TAF2: variants seen among roughly 807,000 people sequenced by gnomAD.
TAF2 encodes the protein TATA-box binding protein associated factor 2.
TAF2 carries 61 observed loss-of-function variants against 138.5 expected under a neutral mutation model. That is an observed-to-expected ratio of 0.44 (90% confidence interval 0.36 to 0.54). The LOEUF (loss-of-function observed/expected upper bound fraction) is 0.54. TAF2 is among the 20% of genes least tolerant of loss of function. The pLI is 0.00. For synonymous variants in TAF2, 475 were observed against 469.9 expected (o/e 1.01, Z -0.14); for missense variants, 1,090 against 1,427.9 (o/e 0.76, Z 3.81).
Position 119,732,018 on chromosome 8 carries a change from T to A in TAF2, c.3506A>T (p.His1169Leu), listed in dbSNP as rs1325873664. 6.2e-7 allele frequency: 1 copy of A among 1,614,102 alleles called. No individual in the cohort carries two copies. Among genetic ancestry groups the A allele is most frequent in the African/African-American group, 1.3e-5 (1 of 74,936 alleles). Residue 1169 changes from histidine (H) to leucine (L), a missense_variant, in exon 26 of 26, where the codon CAT becomes CTT. Physicochemically the swap from His to Leu is moderately conservative, Grantham distance 99. Around this residue, in one of 3 missense-constraint regions of TAF2, gnomAD observed 580 missense variants for 719.6 expected, o/e 0.81. Coordinates refer to ENST00000378164, the MANE Select transcript of TAF2 (RefSeq NM_003184.4). ...GTCCTTTTCTTTACTGTCATGCTTA[T>A]GCTTGTGTTTGTGCTTATGTTTATG... ...KKHKHKHKHK[H>L]KHDSKEKDKE...
intron 18 of TAF2, among the ~76,000 whole-genome samples, chr8:119,766,697 G>T (rs1821445282): frequency 6.6e-6 from 1 of 152,082 alleles, no homozygotes; most frequent in African/African-American, 2.4e-5. Flanking sequence ...AGCTGAGCAT[G>T]GTGGTGGATG....
At chr8:119,760,115 CT>C (rs2131054121) in intron 20 of TAF2, among the ~76,000 whole-genome samples, 1 of 152,150 alleles carries the variant, frequency 6.6e-6, no homozygotes, top group Admixed American at 6.5e-5. Flanking sequence ...ATTTCCATCT[CT>C]GTATCTTTCT....
Position 119,767,550 on chromosome 8 carries a change from G to A in TAF2, c.2365-4942C>T, listed in dbSNP as rs1005859850. On this transcript the variant is annotated intron_variant, in intron 18 of 25. Coordinates refer to ENST00000378164, the MANE Select transcript of TAF2 (RefSeq NM_003184.4). ...TCCAGTCTAATACAGTGAGCTGCCC[G>A]AAGACTGTAGAGACGCTGCTGGAGT... Among the ~76,000 whole-genome samples the A allele has an allele frequency of 2.5e-4, 38 of 152,326 alleles. 1 individual carries two copies. The highest frequency in any genetic ancestry group is 1.7e-3 in the Admixed American group (26 of 15,302).
intron 4 of TAF2, among the ~76,000 whole-genome samples, chr8:119,805,393 A>G (rs528205036): frequency 6.6e-6 from 1 of 152,230 alleles, no homozygotes; most frequent in Non-Finnish European, 1.5e-5. Context: ...TGCAGGTTCT[A>G]CCTATATGAT....
At chr8:119,821,393 T>G (rs1173414425) in intron 2 of TAF2, among the ~76,000 whole-genome samples, 1 of 152,200 alleles carries the variant, frequency 6.6e-6, no homozygotes, top group Non-Finnish European at 1.5e-5. Context: ...TTTCAACCTT[T>G]TCTAAAACTC....
chr8:119,779,431 T>C (rs1822490263), intron 17 of TAF2, among the ~76,000 whole-genome samples: 1 of 152,166 alleles, frequency 6.6e-6, no homozygotes, highest in African/African-American at 2.4e-5. Flanking sequence ...ATAACTCCAA[T>C]TTGAAACACT....
chr8:119,743,784 C>G (rs1407794710), intron 24 of TAF2, among the ~76,000 whole-genome samples: 1 of 151,998 alleles, frequency 6.6e-6, no homozygotes, highest in Non-Finnish European at 1.5e-5. Context: ...CAACCTAATG[C>G]CTATCAATAA....
Position 119,801,819 on chromosome 8 carries a change from A to G in TAF2, c.767T>C (p.Ile256Thr). The G allele has an allele frequency of 6.2e-7, 1 of 1,614,148 alleles. No homozygotes were observed. Among genetic ancestry groups the G allele is most frequent in the Non-Finnish European group, 8.5e-7 (1 of 1,180,008 alleles). The change falls in exon 6 of 26, where the codon ATA becomes ACA. Residue 256 changes from isoleucine (I) to threonine (T), a missense_variant. Transcript: ENST00000378164. ...NISLAIGPFE[I>T]LVDPYMHEVT... ...CTCATGCATGTATGGATCTACCAGT[A>G]TTTCAAATGGTCCAATGGCCAAGGA...
intron 2 of TAF2, among the ~76,000 whole-genome samples, chr8:119,821,627 T>C (rs192328267): frequency 6.6e-6 from 1 of 151,556 alleles, no homozygotes; most frequent in Non-Finnish European, 1.5e-5. Context: ...GTAGACTCCC[T>C]GTATTCAAAT....
chr8:119,821,555 T>G (rs763537539), intron 2 of TAF2, among the ~76,000 whole-genome samples: 3 of 152,204 alleles, frequency 2.0e-5, no homozygotes, highest in Non-Finnish European at 4.4e-5. Flanking sequence ...AGGATTTTAT[T>G]TACTGTACAC....
At chr8:119,775,124 T>C (rs1822130548) in intron 18 of TAF2, among the ~76,000 whole-genome samples, 2 of 150,606 alleles carry the variant, frequency 1.3e-5, no homozygotes, top group Admixed American at 6.6e-5. Flanking sequence ...ACTAAAAAAA[T>C]ACAAAAATTA....
intron 3 of TAF2, among the ~76,000 whole-genome samples, chr8:119,812,105 G>A (rs911376066): frequency 6.6e-6 from 1 of 152,094 alleles, no homozygotes; most frequent in African/African-American, 2.4e-5. Context: ...AAAAAAGAGG[G>A]ACAGGAAGTG....
At chr8:119,778,891 GCA>G (rs1242998363) in intron 17 of TAF2, among the ~76,000 whole-genome samples, 1 of 152,136 alleles carries the variant, frequency 6.6e-6, no homozygotes, top group Non-Finnish European at 1.5e-5. Flanking sequence ...TCAGTCTTTA[GCA>G]CATGGCGAGA....
At chr8:119,788,501 G>T in intron 13 of TAF2, 54 bp from the exon 14 acceptor site, 1 of 1,287,060 alleles carries the variant, frequency 7.8e-7, no homozygotes, top group Non-Finnish European at 1.1e-6. Context: ...ATACCAATAT[G>T]TATGCTTATG....
chr8:119,762,783 T>C, intron 18 of TAF2, 175 bp from the exon 19 acceptor site: 1 of 568,004 alleles, frequency 1.8e-6, no homozygotes, highest in Non-Finnish European at 3.1e-6. Context: ...CTGAAAACAG[T>C]AAGAGATTCA....
chr8:119,739,534 T>C (rs532717255), intron 25 of TAF2, among the ~76,000 whole-genome samples: 29 of 152,064 alleles, frequency 1.9e-4, no homozygotes, highest in Non-Finnish European at 4.0e-4. Flanking sequence ...AACCATAATG[T>C]GTCCTCTACT....
intron 17 of TAF2, among the ~76,000 whole-genome samples, chr8:119,780,163 T>TAA (rs1008726982): frequency 1.3e-5 from 2 of 151,566 alleles, no homozygotes; most frequent in African/African-American, 2.4e-5. Flanking sequence ...ATGAAATTAC[T>TAA]AAAAAAAAAC....
intron 25 of TAF2, among the ~76,000 whole-genome samples, chr8:119,739,751 G>A (rs184731716): frequency 2.5e-4 from 38 of 150,322 alleles, no homozygotes; most frequent in Admixed American, 1.7e-3. Flanking sequence ...GCATAAATGA[G>A]TAAACAGACT....
chr8:119,750,224 C>T (rs549230009), intron 22 of TAF2, among the ~76,000 whole-genome samples: 40 of 152,250 alleles, frequency 2.6e-4, no homozygotes, highest in African/African-American at 8.9e-4. Context: ...GCCTGTAGTC[C>T]CAGCTACTCG....
Sources: allele counts gnomAD v4.1 joint callset (sites outside exome capture counted in the v4.1 genomes callset), GRCh38; gene constraint gnomAD v4.1.1; regional missense constraint gnomAD v4.1.1; transcripts MANE v1.5; gene names NCBI Gene and HGNC (gene_info 2026-07-23, HGNC 2026-07-21).